CLMP: variants seen among roughly 807,000 people sequenced by gnomAD.
The protein encoded by CLMP is CXADR-like membrane protein.
Under a neutral mutation model 45.2 loss-of-function variants are expected in CLMP, and 27 were observed. The observed-to-expected ratio is 0.60, with a 90% CI of 0.44 to 0.82. The LOEUF is 0.82. Among genes scored for constraint, CLMP ranks in the 40% least tolerant of loss-of-function variants. CLMP has a pLI of 0.00. For synonymous variants in CLMP, 167 were observed against 171.4 expected (o/e 0.97, Z 0.20); for missense variants, 403 against 448.4 (o/e 0.90, Z 0.91).
At chr11:123,077,424 C>T (rs750010715) in intron 5 of CLMP, among the ~76,000 whole-genome samples, 6 of 152,180 alleles carry the variant, frequency 3.9e-5, no homozygotes, top group Non-Finnish European at 5.9e-5. Context: ...CTCTGCCTCC[C>T]GGGTTCAAGT....
At chr11:123,100,501 G>A (rs893030406) in intron 1 of CLMP, among the ~76,000 whole-genome samples, 3 of 152,122 alleles carry the variant, frequency 2.0e-5, no homozygotes, top group African/African-American at 4.8e-5. Flanking sequence ...GTGAGCTGGG[G>A]AGGGTAGGCA....
intron 1 of CLMP, among the ~76,000 whole-genome samples, chr11:123,185,977 C>G (rs780884285): frequency 2.2e-4 from 33 of 152,158 alleles, no homozygotes; most frequent in Non-Finnish European, 2.5e-4. Flanking sequence ...GAACTTGCAG[C>G]TCCCACAGGC....
At chr11:123,155,358 G>A (rs1591480341) in intron 1 of CLMP, among the ~76,000 whole-genome samples, 1 of 152,212 alleles carries the variant, frequency 6.6e-6, no homozygotes, top group African/African-American at 2.4e-5. Context: ...CAAGGGAAGT[G>A]CTGAAGCCTG....
intron 1 of CLMP, among the ~76,000 whole-genome samples, chr11:123,125,544 T>TTCCCTTCCCC (rs1860879704): frequency 1.3e-5 from 1 of 76,002 alleles, no homozygotes; most frequent in African/African-American, 5.0e-5. Context: ...TCCCCTTCCC[T>TTCCCTTCCCC]CCCCTCCCCT....
At chr11:123,192,443 C>T (rs537487236) in intron 1 of CLMP, among the ~76,000 whole-genome samples, 32 of 152,266 alleles carry the variant, frequency 2.1e-4, no homozygotes, top group African/African-American at 7.0e-4. Flanking sequence ...ATTCTACCAG[C>T]GGCCTCACAG....
At chr11:123,150,484 G>GAAAGAAAGAGA (rs1565397469) in intron 1 of CLMP, among the ~76,000 whole-genome samples, 1 of 33,092 alleles carries the variant, frequency 3.0e-5, no homozygotes, top group Non-Finnish European at 6.1e-5. Context: ...AGAAAGAAAG[G>GAAAGAAAGAGA]AAGGAAGGAA....
At chr11:123,187,585 C>T (rs1861851070) in intron 1 of CLMP, among the ~76,000 whole-genome samples, 1 of 152,170 alleles carries the variant, frequency 6.6e-6, no homozygotes, top group Non-Finnish European at 1.5e-5. Context: ...TGGCTTGATC[C>T]TATTCATTTT....
chr11:123,078,011 CAGG>C (rs1457204618), intron 5 of CLMP, among the ~76,000 whole-genome samples: 1 of 151,910 alleles, frequency 6.6e-6, no homozygotes, highest in Non-Finnish European at 1.5e-5. Flanking sequence ...GAAGCTGAGG[CAGG>C]AGAAGTGCTT....
intron 2 of CLMP, among the ~76,000 whole-genome samples, chr11:123,085,657 C>T (rs1384308056): frequency 1.3e-5 from 2 of 149,374 alleles, no homozygotes; most frequent in Non-Finnish European, 3.0e-5. Flanking sequence ...AAGGTGACTG[C>T]TTGTGGACAA....
intron 2 of CLMP, among the ~76,000 whole-genome samples, chr11:123,088,671 G>A (rs1474525243): frequency 2.0e-5 from 3 of 152,250 alleles, no homozygotes; most frequent in Admixed American, 1.3e-4. Context: ...TGTTGCCCAG[G>A]CTGGAGTGCA....
chr11:123,104,128 CTTTTTTTTTTTTT>C (rs1241735527), intron 1 of CLMP, among the ~76,000 whole-genome samples: 2 of 72,394 alleles, frequency 2.8e-5, no homozygotes, highest in East Asian at 1.1e-3. Flanking sequence ...CCATGCCTGG[CTTTTTTTTTTTTT>C]TTTTTTTTTT....
chr11:123,134,365 T>G (rs750237247), intron 1 of CLMP, among the ~76,000 whole-genome samples: 1 of 152,102 alleles, frequency 6.6e-6, no homozygotes, highest in Non-Finnish European at 1.5e-5. Context: ...TCTCCTACAC[T>G]CCCCTTGAAT....
Position 123,165,501 on chromosome 11 carries a change from T to C in CLMP, c.28+29412A>G, listed in dbSNP as rs1042362753. 2.0e-5 allele frequency among the ~76,000 whole-genome samples: 3 copies of C among 152,188 alleles called. No homozygotes were observed. The South Asian group carries it at 6.2e-4, about 31-fold the overall frequency. The stretch of plus-strand genomic sequence containing the variant: ...ACCATCCCTTCCCTCCATGCCCAGA[T>C]GTCCCTCTCATAGTTAACAAGGACA... On this transcript the variant is annotated intron_variant, in intron 1 of 6. Coordinates refer to ENST00000448775, the MANE Select transcript of CLMP (RefSeq NM_024769.5).
intron 5 of CLMP, among the ~76,000 whole-genome samples, chr11:123,080,717 T>A (rs1865794834): frequency 6.6e-6 from 1 of 152,162 alleles, no homozygotes; most frequent in Non-Finnish European, 1.5e-5. Flanking sequence ...AAGTAGAGTA[T>A]ATAAATACAT....
At chr11:123,121,486 C>T (rs141625091) in intron 1 of CLMP, among the ~76,000 whole-genome samples, 3,445 of 152,048 alleles carry the variant, frequency 0.023, 135 homozygotes, top group African/African-American at 0.077. Flanking sequence ...TTAGTAGAGA[C>T]GGGGTTTCAC....
In CLMP at chr11:123,083,694, G is replaced by T; in HGVS notation, c.542C>A (p.Pro181His). Residue 181 changes from proline to histidine, a missense_variant, in exon 4 of 7, where the codon CCC (proline) becomes CAC (histidine). By Grantham distance (77) the Pro-to-His change is moderately conservative. Coordinates refer to ENST00000448775, the MANE Select transcript of CLMP (RefSeq NM_024769.5). ...AGATGACTTACCAATCCTAGATTTG[G>T]GAGGCAGACGTTCATCCTCTCCCTC... ...EKEGEDERLP[P>H]KSRIDYNHPG... 1 of 1,613,934 alleles carries T rather than the reference G, an allele frequency of 6.2e-7. No homozygotes were observed. Among genetic ancestry groups the T allele is most frequent in the East Asian group, 2.2e-5 (1 of 44,878 alleles).
chr11:123,090,030 A>G (rs1246344961), intron 2 of CLMP, among the ~76,000 whole-genome samples: 2 of 151,458 alleles, frequency 1.3e-5, no homozygotes. Context: ...CGGAGGTTGC[A>G]GTGATCCAAG....
chr11:123,085,143 G>A (rs1256024342), intron 2 of CLMP, among the ~76,000 whole-genome samples: 1 of 150,964 alleles, frequency 6.6e-6, no homozygotes, highest in Admixed American at 6.6e-5. Context: ...CAAAGGGAAG[G>A]TCGAGCTTGG....
At chr11:123,137,147 C>CTTTTTTTTTTTTTTTTTT (rs375816483) in intron 1 of CLMP, among the ~76,000 whole-genome samples, 8 of 82,460 alleles carry the variant, frequency 9.7e-5, no homozygotes, top group Non-Finnish European at 1.1e-4. Flanking sequence ...TTTTCTTTTT[C>CTTTTTTTTTTTTTTTTTT]TTTTTTTTTT....
Sources: gnomAD v4.1 joint callset for allele counts (sites outside exome capture counted in the v4.1 genomes callset) on GRCh38, gnomAD v4.1.1 for gene constraint, MANE v1.5 for transcripts, NCBI Gene and HGNC (gene_info 2026-07-23, HGNC 2026-07-21) for gene names.